PTPRQ: variants seen among roughly 807,000 people sequenced by gnomAD.
PTPRQ encodes the protein protein tyrosine phosphatase receptor type Q, also known as phosphatidylinositol phosphatase PTPRQ.
A neutral mutation model predicts 246.0 loss-of-function variants in PTPRQ; 199 were observed. The observed-to-expected ratio is 0.81, with a 90% CI of 0.72 to 0.91. The LOEUF (loss-of-function observed/expected upper bound fraction) is 0.91. PTPRQ is among the 40% of genes least tolerant of loss of function. The pLI is 0.00. For synonymous variants in PTPRQ, 869 were observed against 853.2 expected (o/e 1.02, Z -0.32); for missense variants, 2,624 against 2,528.4 (o/e 1.04, Z -0.81).
rs937153992 is a variant in PTPRQ, at chr12:80,588,343, A to G, written c.4500A>G (p.Thr1500=). 3 of 1,550,962 alleles carry G rather than the reference A, an allele frequency of 1.9e-6. No individual in the cohort carries two copies. The highest frequency in any genetic ancestry group is 1.2e-5 in the South Asian group (1 of 83,948). ...ATGAAGCTCACTTAACTGAAGAGAC[A>G]GTATATGGATTAAAGAAATTTAGAT... ...YLYEAHLTEE[T]VYGLKKFRWY... is the part of the protein sequence containing the mutation. Residue 1500 remains threonine (T), a synonymous_variant, in exon 26 of 45, where the codon ACA becomes ACG. Transcript: ENST00000644991.
intron 17 of PTPRQ, among the ~76,000 whole-genome samples, chr12:80,514,550 T>C (rs918253978): frequency 7.7e-4 from 111 of 145,064 alleles, no homozygotes; most frequent in African/African-American, 2.7e-3. Context: ...TGTATATATA[T>C]ATATATAAAT....
Position 80,620,208 on chromosome 12 carries a change from G to C in PTPRQ, c.5444G>C (p.Arg1815Thr). The C allele has an allele frequency of 6.5e-7, 1 of 1,549,042 alleles. No individual in the cohort carries two copies. Among genetic ancestry groups the C allele is most frequent in the Non-Finnish European group, 8.7e-7 (1 of 1,145,260 alleles). Residue 1815 changes from arginine (R) to threonine (T), a missense_variant, in exon 32 of 45, where the codon AGG (arginine) becomes ACG (threonine). Physicochemically the swap from Arg to Thr is moderately conservative, Grantham distance 71. Transcript: ENST00000644991. ...KWYDAYFNKA[R>T]PYFTNEGFPN... is the part of the protein sequence containing the mutation. ...TATGATGCATATTTTAATAAAGCAA[G>C]GCCATATTTTACAAATGAAGGCTTT...
intron 17 of PTPRQ, among the ~76,000 whole-genome samples, chr12:80,511,316 C>T (rs1895121622): frequency 6.6e-6 from 1 of 152,066 alleles, no homozygotes; most frequent in Non-Finnish European, 1.5e-5. Flanking sequence ...TTCTTTGTTG[C>T]CTGATTCCTA....
intron 6 of PTPRQ, 141 bp downstream of exon 6, chr12:80,461,043 G>T (rs1002702151): frequency 5.2e-6 from 2 of 386,598 alleles, no homozygotes; most frequent in Non-Finnish European, 9.1e-6. Context: ...CCCATCAAGG[G>T]TTTCTTCGAA....
intron 35 of PTPRQ, among the ~76,000 whole-genome samples, chr12:80,638,088 T>C (rs961870300): frequency 6.6e-6 from 1 of 151,898 alleles, no homozygotes; most frequent in African/African-American, 2.4e-5. Context: ...CCCAACATGG[T>C]GAAACCCCAT....
chr12:80,616,079 T>TTA lies in PTPRQ; in HGVS notation c.5164-106_5164-105dup, dbSNP rs3994957. The TTA allele has an allele frequency of 4.1e-3, 1,922 of 474,454 alleles. 20 individuals are homozygous for TTA. Among genetic ancestry groups the TTA allele is most frequent in the African/African-American group, 0.033 (1,462 of 44,172 alleles). The allele number at this position is 474,454 out of a possible 1,614,324, so 29.4% of individuals were successfully genotyped here. A position where few individuals can be genotyped will look rare whatever the true frequency, so the allele number is the denominator to read the frequency against. On this transcript the variant is annotated intron_variant, in intron 29 of 44. Coordinates refer to ENST00000644991, the MANE Select transcript of PTPRQ (RefSeq NM_001145026.2). ...AAATTACATGTAACCATAATCAGTTTTATATATATATATATAACTATATAT... is the reference window on the plus strand; with the variant it reads ...AAATTACATGTAACCATAATCAGTTTTATATATATATATATATAACTATATAT...
At chr12:80,569,394 T>TG (rs1897076484) in intron 25 of PTPRQ, among the ~76,000 whole-genome samples, 1 of 45,884 alleles carries the variant, frequency 2.2e-5, no homozygotes, top group South Asian at 7.5e-4. Context: ...TGTTGTGGGG[T>TG]GGGGGGAGGG....
chr12:80,621,370 T>G (rs933198089), intron 32 of PTPRQ, among the ~76,000 whole-genome samples: 1 of 151,924 alleles, frequency 6.6e-6, no homozygotes, highest in African/African-American at 2.4e-5. Flanking sequence ...AATAAAATCA[T>G]AAGAATTTTA....
At chr12:80,658,995 T>C (rs1900540869) in intron 39 of PTPRQ, among the ~76,000 whole-genome samples, 1 of 152,014 alleles carries the variant, frequency 6.6e-6, no homozygotes, top group South Asian at 2.1e-4. Flanking sequence ...AAAAACGAAT[T>C]AGTTCTAAAT....
intron 17 of PTPRQ, among the ~76,000 whole-genome samples, chr12:80,533,229 T>C (rs984321200): frequency 1.3e-5 from 2 of 152,032 alleles, no homozygotes; most frequent in African/African-American, 2.4e-5. Context: ...TAGATATTAA[T>C]CTATACCCAG....
intron 16 of PTPRQ, among the ~76,000 whole-genome samples, chr12:80,508,479 A>T (rs1895030195): frequency 6.6e-6 from 1 of 151,970 alleles, no homozygotes; most frequent in Non-Finnish European, 1.5e-5. Context: ...GAAAATGAAT[A>T]AAGAGGGAGG....
intron 24 of PTPRQ, 85 bp downstream of exon 24, chr12:80,546,782 T>C: frequency 6.9e-7 from 1 of 1,459,444 alleles, no homozygotes; most frequent in Non-Finnish European, 9.2e-7. Flanking sequence ...TGATAAAGTA[T>C]CATTACTTAA....
intron 26 of PTPRQ, among the ~76,000 whole-genome samples, chr12:80,594,015 A>G (rs545618367): frequency 2.0e-4 from 31 of 152,268 alleles, no homozygotes; most frequent in African/African-American, 7.5e-4. Flanking sequence ...CTACCCAAAC[A>G]TCTGTTAGGT....
chr12:80,549,263 T>C (rs921427597), intron 24 of PTPRQ, among the ~76,000 whole-genome samples: 4 of 152,268 alleles, frequency 2.6e-5, no homozygotes, highest in African/African-American at 7.2e-5. Flanking sequence ...ACTGTAATGA[T>C]TAATACAATA....
chr12:80,612,027 T>A (rs1804207742), intron 28 of PTPRQ, among the ~76,000 whole-genome samples: 1 of 150,400 alleles, frequency 6.6e-6, no homozygotes, highest in Non-Finnish European at 1.5e-5. Flanking sequence ...ATCTGAACTG[T>A]TGACAGCCAA....
intron 26 of PTPRQ, among the ~76,000 whole-genome samples, chr12:80,597,470 T>C (rs974596528): frequency 6.6e-6 from 1 of 151,996 alleles, no homozygotes; most frequent in African/African-American, 2.4e-5. Flanking sequence ...AGAATTAAAA[T>C]AGAATGAAAG....
At chr12:80,474,707 A>G (rs1270955103) in intron 8 of PTPRQ, among the ~76,000 whole-genome samples, 3 of 152,214 alleles carry the variant, frequency 2.0e-5, no homozygotes, top group African/African-American at 7.2e-5. Context: ...GCTGATGAAT[A>G]TAACATAGGC....
At chr12:80,526,833 T>C (rs934465137) in intron 17 of PTPRQ, among the ~76,000 whole-genome samples, 1 of 152,020 alleles carries the variant, frequency 6.6e-6, no homozygotes, top group African/African-American at 2.4e-5. Context: ...AGCCTTATGA[T>C]GAGAAATTAA....
intron 8 of PTPRQ, 37 bp downstream of exon 8, chr12:80,472,288 T>G: frequency 1.9e-6 from 3 of 1,548,950 alleles, no homozygotes; most frequent in Non-Finnish European, 1.7e-6. Context: ...ATTTTTGGTA[T>G]GCTTATGAAC....
Sources: gnomAD v4.1 joint callset for allele counts (sites outside exome capture counted in the v4.1 genomes callset) on GRCh38, gnomAD v4.1.1 for gene constraint, MANE v1.5 for transcripts, NCBI Gene and HGNC (gene_info 2026-07-23, HGNC 2026-07-21) for gene names.